Variants in PREX1 observed in about 807,000 individuals in gnomAD.
The protein encoded by PREX1 is phosphatidylinositol 3,4,5-trisphosphate-dependent Rac exchanger 1 protein.
In PREX1, 41 loss-of-function variants were observed where a neutral mutation model predicts 198.3. The ratio of observed to expected loss-of-function variants is 0.21; its 90% CI spans 0.16 to 0.27. The LOEUF is 0.27. Among genes scored for constraint, PREX1 ranks in the 10% least tolerant of loss-of-function variants. The pLI is 1.00. For missense variants in PREX1, 1,620 were observed against 2,200.7 expected, an observed-to-expected ratio of 0.74 and a Z score of 5.28; for synonymous variants, 843 against 887.2, an observed-to-expected ratio of 0.95 and a Z score of 0.89.
At chr20:48,717,341 T>C (rs2089966667) in intron 5 of PREX1, among the ~76,000 whole-genome samples, 1 of 152,110 alleles carries the variant, frequency 6.6e-6, no homozygotes, top group Non-Finnish European at 1.5e-5. Flanking sequence ...ACTCAGTGAC[T>C]TGCCTCCAGT....
intron 11 of PREX1, among the ~76,000 whole-genome samples, chr20:48,680,226 T>C (rs1427209481): frequency 6.6e-6 from 1 of 152,172 alleles, no homozygotes; most frequent in African/African-American, 2.4e-5. Flanking sequence ...GCAATGCCTA[T>C]AAGGCCCTAA....
intron 15 of PREX1, among the ~76,000 whole-genome samples, chr20:48,665,951 C>T (rs892991815): frequency 1.3e-5 from 2 of 152,224 alleles, no homozygotes; most frequent in Non-Finnish European, 2.9e-5. Flanking sequence ...TCCTTCCTCA[C>T]GGAGGCCTTC....
intron 7 of PREX1, among the ~76,000 whole-genome samples, chr20:48,696,634 TAC>T (rs1568828616): frequency 2.0e-5 from 2 of 97,932 alleles, no homozygotes. Context: ...CATACATACA[TAC>T]ATACACACAT....
At chr20:48,654,581 C>T (rs894738368) in intron 19 of PREX1, among the ~76,000 whole-genome samples, 30 of 152,218 alleles carry the variant, frequency 2.0e-4, no homozygotes, top group Non-Finnish European at 4.0e-4. Flanking sequence ...CTAAGTTGTC[C>T]CAAGGTGAGA....
At chr20:48,654,211 C>A (rs2089524194) in intron 19 of PREX1, among the ~76,000 whole-genome samples, 1 of 152,248 alleles carries the variant, frequency 6.6e-6, no homozygotes, top group Admixed American at 6.5e-5. Context: ...AATCCCTACG[C>A]TGAGGGTCGC....
the PREX1 span, among the ~76,000 whole-genome samples, chr20:48,876,090 A>C: frequency 1.3e-5 from 2 of 152,110 alleles, no homozygotes; most frequent in Admixed American, 6.6e-5. Flanking sequence ...TGAGTGAGTC[A>C]TTGGGGCCCT....
At chr20:48,699,810 T>C (rs919519844) in intron 7 of PREX1, among the ~76,000 whole-genome samples, 2 of 152,186 alleles carry the variant, frequency 1.3e-5, no homozygotes, top group South Asian at 4.1e-4. Flanking sequence ...AGTCTTCATA[T>C]CCATTTCTCT....
At chr20:48,819,159 C>T (rs1244183432) in intron 1 of PREX1, among the ~76,000 whole-genome samples, 2 of 152,152 alleles carry the variant, frequency 1.3e-5, no homozygotes, top group African/African-American at 2.4e-5. Context: ...CAACTGAAAG[C>T]ACTCTGGTGG....
intron 7 of PREX1, among the ~76,000 whole-genome samples, chr20:48,696,885 A>C (rs114638789): frequency 0.012 from 1,820 of 152,064 alleles, 42 homozygotes; most frequent in African/African-American, 0.042. Flanking sequence ...GATCAGAACG[A>C]CACTATTGGC....
intron 1 of PREX1, chr20:48,821,827 G>A (rs757301430): frequency 5.9e-5 from 9 of 152,182 alleles, no homozygotes; most frequent in Non-Finnish European, 1.0e-4. Flanking sequence ...AACCCCATTC[G>A]CGTCTTCTTA....
chr20:48,842,282 T>G, the PREX1 span, among the ~76,000 whole-genome samples: 2 of 152,170 alleles, frequency 1.3e-5, no homozygotes, highest in Non-Finnish European at 2.9e-5. Flanking sequence ...TTCCCTTTTT[T>G]TAAGACCCTG....
At chr20:48,753,969 T>C (rs1422768894) in intron 1 of PREX1, among the ~76,000 whole-genome samples, 1 of 152,174 alleles carries the variant, frequency 6.6e-6, no homozygotes, top group East Asian at 1.9e-4. Context: ...CTCACTAAAG[T>C]ATCAGCTCCC....
chr20:48,875,238 G>A, the PREX1 span, among the ~76,000 whole-genome samples: 1 of 152,190 alleles, frequency 6.6e-6, no homozygotes, highest in African/African-American at 2.4e-5. Context: ...AAAACCTGAA[G>A]GCCAAGTGGG....
chr20:48,804,585 G>A (rs906988206), intron 1 of PREX1, among the ~76,000 whole-genome samples: 2 of 152,214 alleles, frequency 1.3e-5, no homozygotes, highest in Non-Finnish European at 2.9e-5. Context: ...GGTGAGGTGG[G>A]AGGCAGCGGG....
At chr20:48,782,238 G>C (rs1392718752) in intron 1 of PREX1, among the ~76,000 whole-genome samples, 1 of 152,154 alleles carries the variant, frequency 6.6e-6, no homozygotes, top group Non-Finnish European at 1.5e-5. Context: ...ATGTGTTGTG[G>C]GAGGGACACA....
chr20:48,667,933 A>C (rs1215000447), intron 14 of PREX1, among the ~76,000 whole-genome samples: 1 of 152,152 alleles, frequency 6.6e-6, no homozygotes, highest in Non-Finnish European at 1.5e-5. Flanking sequence ...TGTCCCTCAC[A>C]GCGGTGTGCT....
intron 1 of PREX1, among the ~76,000 whole-genome samples, chr20:48,814,474 A>C (rs1185566831): frequency 2.0e-5 from 3 of 152,204 alleles, no homozygotes; most frequent in Non-Finnish European, 4.4e-5. Context: ...CCTTGGTACA[A>C]ATCAGGGTTC....
Position 48,691,206 on chromosome 20 carries a change from C to A in PREX1, c.1037-110G>T. 1 of 1,386,316 alleles carries A rather than the reference C, an allele frequency of 7.2e-7. No individual in the cohort carries two copies. The highest frequency in any genetic ancestry group is 1.0e-6 in the Non-Finnish European group (1 of 991,404). The allele number at this position is 1,386,316 out of a possible 1,614,324, so 85.9% of individuals were successfully genotyped here. A position where few individuals can be genotyped will look rare whatever the true frequency, so the allele number is the denominator to read the frequency against. ...GCACAGGCAGGGCCCTCGCCTGGAT[C>A]AGGATGGGGAGCTGGACTTCCAGCC... On this transcript the variant is annotated intron_variant, in intron 8 of 39. Transcript: ENST00000371941. This position sits in a 1 kb window ranked among gnomAD's most constrained non-coding sequence, Gnocchi z 5.0.
At chr20:48,852,376 A>T in the PREX1 span, among the ~76,000 whole-genome samples, 1 of 152,064 alleles carries the variant, frequency 6.6e-6, no homozygotes, top group Non-Finnish European at 1.5e-5. Flanking sequence ...AGATCCTCCC[A>T]AAATGCTTAT....
Sources: gnomAD v4.1 joint callset for allele counts (sites outside exome capture counted in the v4.1 genomes callset) on GRCh38, gnomAD v4.1.1 for gene constraint, Gnocchi (gnomAD v3.1) non-coding constraint, MANE v1.5 for transcripts, NCBI Gene and HGNC (gene_info 2026-07-23, HGNC 2026-07-21) for gene names.